The following DYNC2H1 variants were observed in gnomAD, a reference collection of about 807,000 sequenced individuals.
DYNC2H1 encodes cytoplasmic dynein 2 heavy chain 1.
A neutral mutation model predicts 570.0 loss-of-function variants in DYNC2H1; 410 were observed. The observed-to-expected ratio is 0.72, with a 90% CI of 0.66 to 0.78. The LOEUF is 0.78. Among genes scored for constraint, DYNC2H1 ranks in the 30% least tolerant of loss-of-function variants. DYNC2H1 has a pLI of 0.00. For synonymous variants in DYNC2H1, 1,688 were observed against 1,677.6 expected (o/e 1.01, Z -0.15); for missense variants, 4,865 against 5,046.4 (o/e 0.96, Z 1.09).
At chr11:103,263,022 CAAAA>C (rs35912109) in intron 70 of DYNC2H1, among the ~76,000 whole-genome samples, 2 of 39,968 alleles carry the variant, frequency 5.0e-5, no homozygotes, top group African/African-American at 1.1e-4. Context: ...AAATGGAAAG[CAAAA>C]AAAAAAAAAA....
In DYNC2H1 at chr11:103,193,700, C is replaced by A. The variant is rs145765163; in HGVS notation, c.7708+1436C>A. Among the ~76,000 whole-genome samples the A allele has an allele frequency of 8.4e-3, 1,269 of 151,966 alleles. 11 individuals carry two copies. The highest frequency in any genetic ancestry group is 0.029 in the African/African-American group (1,211 of 41,476). ...CTGGTATTACAGGCATGTGCCACCA[C>A]GCCCGACTAATTTTGTATTTTTTTT... On this transcript the variant is annotated intron_variant, in intron 47 of 88. Coordinates refer to ENST00000375735, the MANE Select transcript of DYNC2H1 (RefSeq NM_001377.3).
intron 79 of DYNC2H1, 95 bp from the exon 80 acceptor site, chr11:103,316,450 T>A: frequency 1.3e-6 from 1 of 768,848 alleles, no homozygotes; most frequent in Non-Finnish European, 2.0e-6. Context: ...TATTTTTAAG[T>A]CTATATTGAT....
rs763760061 is a variant in DYNC2H1, at chr11:103,253,268, G to GTT, written c.10043-16_10043-15insTT. 1.3e-5 allele frequency: 20 copies of GTT among 1,537,622 alleles called. No individual in the cohort carries two copies. The highest frequency in any genetic ancestry group is 8.7e-5 in the Admixed American group (5 of 57,220). On this transcript the variant is annotated splice_polypyrimidine_tract_variant and intron_variant, in intron 65 of 88. Transcript: ENST00000375735. The stretch of plus-strand genomic sequence containing the variant: ...CAGAAGATTCAGACCAACCAATTGT[G>GTT]TGTTTTTTTTAAATAGGACCACGTT...
In DYNC2H1 at chr11:103,275,392, G is replaced by C. The variant is rs1360113522; in HGVS notation, c.10696-4956G>C. On this transcript the variant is annotated intron_variant, in intron 70 of 88. Coordinates refer to ENST00000375735, the MANE Select transcript of DYNC2H1 (RefSeq NM_001377.3). The surrounding 1 kb of genome is among the most constrained non-coding windows in gnomAD (Gnocchi z 4.8). ...ATAGTTTACATTAAAGTTCACTCTT[G>C]GTATTGTACCTTATATGGATTTTGA... Among the ~76,000 whole-genome samples, 1 of 152,070 alleles carries C rather than the reference G, an allele frequency of 6.6e-6. No individual in the cohort carries two copies. Among genetic ancestry groups the C allele is most frequent in the Non-Finnish European group, 1.5e-5 (1 of 68,002 alleles).
intron 70 of DYNC2H1, among the ~76,000 whole-genome samples, chr11:103,279,670 T>A (rs577075650): frequency 1.3e-5 from 2 of 152,124 alleles, no homozygotes; most frequent in Non-Finnish European, 2.9e-5. Context: ...GTGATTGGTG[T>A]CTTTTTGATA....
intron 83 of DYNC2H1, among the ~76,000 whole-genome samples, chr11:103,398,809 G>C (rs1221721429): frequency 6.6e-6 from 1 of 151,906 alleles, no homozygotes; most frequent in Admixed American, 6.6e-5. Flanking sequence ...AGAAACCCCA[G>C]AACTGTCATA....
intron 83 of DYNC2H1, among the ~76,000 whole-genome samples, chr11:103,394,686 GACAA>G (rs1228071953): frequency 1.3e-5 from 2 of 152,014 alleles, no homozygotes; most frequent in African/African-American, 2.4e-5. Flanking sequence ...ATTATTAGTG[GACAA>G]ACAGAGCTAA....
At position 103,241,548 on chromosome 11, in the gene DYNC2H1, G is replaced by A. The variant is rs1466028216; in HGVS notation, c.9820-2145G>A. The A allele has an allele frequency of 2.5e-6, 4 of 1,584,964 alleles. No homozygotes were observed. Among genetic ancestry groups the A allele is most frequent in the African/African-American group, 1.3e-5 (1 of 74,088 alleles). Reference sequence around the variant, plus strand: ...TCAGATCATTGGTTTGAAATCATGGGTAAGAACTTTTTAAAAATTTAAAAT... The same window carrying A: ...TCAGATCATTGGTTTGAAATCATGGATAAGAACTTTTTAAAAATTTAAAAT... On this transcript the variant is annotated intron_variant, in intron 63 of 88. Coordinates refer to ENST00000375735, the MANE Select transcript of DYNC2H1 (RefSeq NM_001377.3). This position sits in a 1 kb window ranked among gnomAD's most constrained non-coding sequence, Gnocchi z 5.1.
Position 103,245,379 on chromosome 11 carries a change from ATAAT to A in DYNC2H1, c.10042+7_10042+10del, listed in dbSNP as rs1483149779. ...GACGAGATCTGGTTGCTCAAGGTAA[ATAAT>A]TGACACTTTCCAGAGTGTAAATATT... On this transcript the variant is annotated splice_donor_region_variant and intron_variant, in intron 65 of 88. Transcript: ENST00000375735. This position sits in a 1 kb window ranked among gnomAD's most constrained non-coding sequence, Gnocchi z 4.5. The A allele has an allele frequency of 3.2e-6, 5 of 1,578,034 alleles. No individual in the cohort carries two copies. Among genetic ancestry groups the A allele is most frequent in the Non-Finnish European group, 4.3e-6 (5 of 1,162,644 alleles).
At position 103,173,065 on chromosome 11, in the gene DYNC2H1, TTTAA is replaced by T. The variant is rs1861637825; in HGVS notation, c.5335-11_5335-8del. On this transcript the variant is annotated splice_polypyrimidine_tract_variant and intron_variant, in intron 34 of 88. Transcript: ENST00000375735. ...AATATTTAATATTTAAATTAATATT[TTTAA>T]TTAATATTTCAGGTAGAAGTAAATT... 5 of 1,165,206 alleles carry T rather than the reference TTTAA, an allele frequency of 4.3e-6. No individual in the cohort carries two copies. The East Asian group carries it at 1.6e-4, about 38-fold the overall frequency. 72.2% of individuals were successfully genotyped at this position (1,165,206 alleles called of 1,614,324 possible).
At chr11:103,174,282 A>G (rs1257593706) in intron 36 of DYNC2H1, 112 bp downstream of exon 36, 5 of 755,120 alleles carry the variant, frequency 6.6e-6, no homozygotes, top group African/African-American at 1.8e-5. Flanking sequence ...GGATTACTGT[A>G]TACCCTGCCC....
rs1486830954 is a variant in DYNC2H1, at chr11:103,199,330, G to A, written c.7942G>A (p.Gly2648Arg). 1.9e-6 allele frequency: 3 copies of A among 1,611,894 alleles called. No homozygotes were observed. In the Admixed American group the frequency reaches 5.0e-5, roughly 27 times the overall value. Residue 2648 changes from glycine (G) to arginine (R), a missense_variant, in exon 49 of 89, where the codon GGA (glycine) becomes AGA (arginine). By Grantham distance (125) the Gly-to-Arg change is moderately radical. Transcript: ENST00000375735. The surrounding 1 kb of genome is among the most constrained non-coding windows in gnomAD (Gnocchi z 4.6). Reference protein sequence around the residue: ...SRIDRVLSFPGGSLLLAGRSG... With the variant: ...SRIDRVLSFPRGSLLLAGRSG... Reference sequence around the variant, plus strand: ...GATAGATAGAGTGCTGAGTTTCCCTGGAGGTTCACTTCTATTAGCAGGACG... The same window carrying A: ...GATAGATAGAGTGCTGAGTTTCCCTAGAGGTTCACTTCTATTAGCAGGACG...
In DYNC2H1 at chr11:103,211,950, T is replaced by G; in HGVS notation, c.8694+7T>G. 5 of 1,502,836 alleles carry G rather than the reference T, an allele frequency of 3.3e-6. No individual in the cohort carries two copies. The highest frequency in any genetic ancestry group is 4.4e-6 in the Non-Finnish European group (5 of 1,126,064). The allele number at this position is 1,502,836 out of a possible 1,614,324, so 93.1% of individuals were successfully genotyped here. A position where few individuals can be genotyped will look rare whatever the true frequency, so the allele number is the denominator to read the frequency against. ...AAGACAAAGTCATTTGCAGGTATAG[T>G]ATTGGTAATCTTGAATTATTTTATC... On this transcript the variant is annotated splice_region_variant and intron_variant, in intron 54 of 88. Transcript: ENST00000375735.
At chr11:103,183,833 AT>A (rs904060865) in intron 40 of DYNC2H1, among the ~76,000 whole-genome samples, 2 of 151,554 alleles carry the variant, frequency 1.3e-5, no homozygotes. Flanking sequence ...AAAAATATTA[AT>A]TTTTTTAAGC....
chr11:103,218,287 G>A (rs1307777409), intron 55 of DYNC2H1, among the ~76,000 whole-genome samples: 1 of 152,146 alleles, frequency 6.6e-6, no homozygotes, highest in Non-Finnish European at 1.5e-5. Flanking sequence ...AGCCAGACAC[G>A]AAAGACTGTA....
At chr11:103,143,234 T>G (rs1429825981) in intron 17 of DYNC2H1, 34 bp from the exon 18 acceptor site, 2 of 1,602,626 alleles carry the variant, frequency 1.2e-6, no homozygotes. Context: ...TGGTTCTGTG[T>G]CTTTAATAAT....
rs761061797 is a variant in DYNC2H1, at chr11:103,170,193, G to A, written c.5054G>A (p.Gly1685Glu). 2 of 1,613,110 alleles carry A rather than the reference G, an allele frequency of 1.2e-6. No homozygotes were observed. Among genetic ancestry groups the A allele is most frequent in the Non-Finnish European group, 1.7e-6 (2 of 1,179,466 alleles). Residue 1685 changes from glycine to glutamate, a missense_variant, in exon 33 of 89, where the codon GGA becomes GAA. By Grantham distance (98) the Gly-to-Glu change is moderately conservative. This residue lies in a region of DYNC2H1 where 1,936 missense variants were observed against 1,962.1 expected (regional missense o/e 0.99). Transcript: ENST00000375735. The surrounding 1 kb of genome is among the most constrained non-coding windows in gnomAD (Gnocchi z 4.8). ...LTQAMKMGLG[G>E]NPYGPAGTGK... ...CAAGCCATGAAGATGGGACTTGGAG[G>A]AAATCCTTATGGACCAGCTGGAACT...
intron 72 of DYNC2H1, 146 bp downstream of exon 72, chr11:103,282,375 A>G: frequency 2.9e-6 from 2 of 689,886 alleles, no homozygotes; most frequent in East Asian, 2.9e-5. Context: ...CCTCTTAAGT[A>G]TTTCCTATAA....
chr11:103,376,753 G>A (rs567877854), intron 83 of DYNC2H1, among the ~76,000 whole-genome samples: 3 of 147,948 alleles, frequency 2.0e-5, no homozygotes, highest in South Asian at 2.2e-4. Flanking sequence ...CGTATTCTTT[G>A]TTATAAATTA....
Sources: gnomAD v4.1 joint callset for allele counts (sites outside exome capture counted in the v4.1 genomes callset) on GRCh38, gnomAD v4.1.1 for gene constraint, gnomAD v4.1.1 regional missense constraint, Gnocchi (gnomAD v3.1) non-coding constraint, MANE v1.5 for transcripts, NCBI Gene and HGNC (gene_info 2026-07-23, HGNC 2026-07-21) for gene names.